Variants in REC114 observed in about 807,000 individuals in gnomAD.
The protein encoded by REC114 is REC114 meiotic recombination protein.
REC114 carries 27 observed loss-of-function variants against 31.3 expected under a neutral mutation model. That is an observed-to-expected ratio of 0.86 (90% CI 0.64 to 1.19). The LOEUF (loss-of-function observed/expected upper bound fraction) is 1.19, where lower values mean the gene tolerates loss of function less well. REC114 is among the 50% of genes most tolerant of loss of function. REC114 has a pLI of 0.00. For synonymous variants in REC114, 134 were observed against 127.7 expected, an observed-to-expected ratio of 1.05 and a Z score of -0.33; for missense variants, 344 against 326.9, an observed-to-expected ratio of 1.05 and a Z score of -0.40.
chr15:73,484,913 T>C (rs998605190), intron 2 of REC114, among the ~76,000 whole-genome samples: 1 of 152,222 alleles, frequency 6.6e-6, no homozygotes, highest in Non-Finnish European at 1.5e-5. Context: ...AGGAATTGTC[T>C]TTCTGTTTAC....
chr15:73,553,606 G>A (rs1894421525), intron 4 of REC114, among the ~76,000 whole-genome samples: 1 of 152,142 alleles, frequency 6.6e-6, no homozygotes, highest in South Asian at 2.1e-4. Context: ...ACCTCATCAG[G>A]CTACACAATT....
rs775202410 is a variant in REC114, at chr15:73,443,208, C to T, written c.23C>T (p.Pro8Leu). Residue 8 changes from proline to leucine, a missense_variant, in exon 1 of 6, where the codon CCC becomes CTC. Coordinates refer to ENST00000331090, the MANE Select transcript of REC114 (RefSeq NM_001042367.2). ...GACATGGCGGAGGCAGGAAAAGTGC[C>T]CTTGAGCCTCGGGCTTACCGGAGGA... MAEAGKV[P>L]LSLGLTGGEA... is the part of the protein sequence containing the mutation. The T allele has an allele frequency of 1.9e-6, 3 of 1,573,612 alleles. No homozygotes were observed. The African/African-American group carries it at 4.0e-5, about 21-fold the overall frequency.
chr15:73,474,704 CAG>C (rs1460344156), intron 2 of REC114, among the ~76,000 whole-genome samples: 10 of 152,122 alleles, frequency 6.6e-5, no homozygotes, highest in Non-Finnish European at 1.5e-5. Context: ...ACAGTGAAGA[CAG>C]AAATCTCTTT....
chr15:73,513,518 G>A (rs1310354242), intron 2 of REC114, among the ~76,000 whole-genome samples: 1 of 148,678 alleles, frequency 6.7e-6, no homozygotes, highest in Non-Finnish European at 1.5e-5. Flanking sequence ...GAGGAGAGGC[G>A]CTCTGCGTTT....
chr15:73,458,919 T>C (rs1206597295), intron 1 of REC114, among the ~76,000 whole-genome samples: 1 of 152,200 alleles, frequency 6.6e-6, no homozygotes, highest in Non-Finnish European at 1.5e-5. Flanking sequence ...AAAATGGATA[T>C]TGGAGGGTAA....
intron 4 of REC114, among the ~76,000 whole-genome samples, chr15:73,554,890 T>A (rs1001778816): frequency 1.5e-4 from 23 of 152,246 alleles, no homozygotes; most frequent in Non-Finnish European, 2.9e-5. Context: ...GAAAGCATCA[T>A]ATGTCATAGC....
At chr15:73,488,682 A>G (rs2141301265) in intron 2 of REC114, among the ~76,000 whole-genome samples, 1 of 152,354 alleles carries the variant, frequency 6.6e-6, no homozygotes, top group South Asian at 2.1e-4. Flanking sequence ...CCTTATCCAA[A>G]TGGTCTTTAC....
At chr15:73,525,494 C>A (rs1456500629) in intron 2 of REC114, among the ~76,000 whole-genome samples, 1 of 151,718 alleles carries the variant, frequency 6.6e-6, no homozygotes, top group African/African-American at 2.4e-5. Flanking sequence ...CCTTTGAGTA[C>A]TATTTTCACT....
chr15:73,528,833 A>T (rs1894039290), intron 2 of REC114, among the ~76,000 whole-genome samples: 1 of 152,198 alleles, frequency 6.6e-6, no homozygotes, highest in South Asian at 2.1e-4. Flanking sequence ...CAACAAAAAA[A>T]ATTGTCAATC....
At chr15:73,468,179 G>A (rs2141290673) in intron 1 of REC114, among the ~76,000 whole-genome samples, 1 of 152,208 alleles carries the variant, frequency 6.6e-6, no homozygotes, top group East Asian at 1.9e-4. Context: ...TCTTTAGGGG[G>A]ACCGTTGTTC....
At chr15:73,555,791 T>TA (rs1019087062) in intron 4 of REC114, among the ~76,000 whole-genome samples, 6 of 152,208 alleles carry the variant, frequency 3.9e-5, no homozygotes, top group African/African-American at 1.4e-4. Context: ...AAATGAGATT[T>TA]AAAAAAATCA....
intron 2 of REC114, among the ~76,000 whole-genome samples, chr15:73,535,404 C>G (rs1894140943): frequency 6.7e-6 from 1 of 149,268 alleles, no homozygotes; most frequent in African/African-American, 2.5e-5. Flanking sequence ...ACAGCCAAAT[C>G]ATGAGTGAAC....
intron 2 of REC114, among the ~76,000 whole-genome samples, chr15:73,491,689 G>A (rs1026570287): frequency 1.3e-5 from 2 of 152,164 alleles, no homozygotes; most frequent in African/African-American, 4.8e-5. Context: ...CATGAAGTCA[G>A]GAGTTTGAGA....
At chr15:73,546,097 T>C (rs1894304926) in intron 3 of REC114, among the ~76,000 whole-genome samples, 1 of 152,144 alleles carries the variant, frequency 6.6e-6, no homozygotes, top group African/African-American at 2.4e-5. Context: ...AGGGCATGAA[T>C]AGGTAATACA....
Position 73,535,593 on chromosome 15 carries a change from A to G in REC114, c.250-4892A>G, listed in dbSNP as rs528072101. ...AAGAATCAATATCGTGAAAATGGCC[A>G]TACTGCCCAAGGTAATTTACAGATT... On this transcript the variant is annotated intron_variant, in intron 2 of 5. Coordinates refer to ENST00000331090, the MANE Select transcript of REC114 (RefSeq NM_001042367.2). Among the ~76,000 whole-genome samples the G allele has an allele frequency of 4.5e-4, 66 of 147,692 alleles. 4 individuals are homozygous for G. The South Asian group carries it at 0.013, about 30-fold the overall frequency.
At chr15:73,453,124 T>G (rs557748920) in intron 1 of REC114, among the ~76,000 whole-genome samples, 1 of 152,252 alleles carries the variant, frequency 6.6e-6, no homozygotes, top group East Asian at 1.9e-4. Flanking sequence ...AAAGCCAAAA[T>G]TGACAAATGG....
At chr15:73,457,344 A>G (rs1486336960) in intron 1 of REC114, among the ~76,000 whole-genome samples, 2 of 152,028 alleles carry the variant, frequency 1.3e-5, no homozygotes, top group East Asian at 1.9e-4. Context: ...CCTTACGCAT[A>G]TATATATGTT....
chr15:73,451,502 T>G (rs994982132), intron 1 of REC114, among the ~76,000 whole-genome samples: 1 of 151,872 alleles, frequency 6.6e-6, no homozygotes, highest in Non-Finnish European at 1.5e-5. Flanking sequence ...GCCTACCAAC[T>G]AAAAAAAGTC....
chr15:73,457,376 GA>G (rs1892931353), intron 1 of REC114, among the ~76,000 whole-genome samples: 1 of 152,170 alleles, frequency 6.6e-6, no homozygotes. Context: ...AGCTGAAGCA[GA>G]GGAGGAGGTT....
Sources: gnomAD v4.1 joint callset for allele counts (sites outside exome capture counted in the v4.1 genomes callset) on GRCh38, gnomAD v4.1.1 for gene constraint, MANE v1.5 for transcripts, NCBI Gene and HGNC (gene_info 2026-07-23, HGNC 2026-07-21) for gene names.